Variants in RBFOX3 observed in about 807,000 individuals in gnomAD.
RBFOX3 encodes RNA binding protein fox-1 homolog 3.
RBFOX3 carries 17 observed loss-of-function variants against 48.7 expected under a neutral mutation model. The observed-to-expected ratio is 0.35, with a 90% CI of 0.24 to 0.52. RBFOX3 has a LOEUF of 0.52. RBFOX3 is among the 20% of genes least tolerant of loss of function. RBFOX3 has a pLI of 0.94. For synonymous variants in RBFOX3, 212 were observed against 209.5 expected (o/e 1.01, Z -0.10); for missense variants, 382 against 497.5 (o/e 0.77, Z 2.21).
intron 1 of RBFOX3, among the ~76,000 whole-genome samples, chr17:79,565,340 T>TC (rs2092417604): frequency 6.7e-6 from 1 of 150,028 alleles, no homozygotes; most frequent in Non-Finnish European, 1.5e-5. Flanking sequence ...ATTTAGGACA[T>TC]CTTTTTTTTT....
chr17:79,587,781 T>C (rs1236550082), intron 1 of RBFOX3, among the ~76,000 whole-genome samples: 6 of 152,106 alleles, frequency 3.9e-5, no homozygotes, highest in Admixed American at 3.9e-4. Flanking sequence ...TGTGGGAGAA[T>C]AGATGAAGGA....
In RBFOX3 at chr17:79,243,259, G is replaced by T. The variant is rs2062660226; in HGVS notation, c.-73-7454C>A. 6.6e-6 allele frequency among the ~76,000 whole-genome samples: 1 copy of T among 152,140 alleles called. No individual in the cohort carries two copies. Among genetic ancestry groups the T allele is most frequent in the South Asian group, 2.1e-4 (1 of 4,820 alleles). On this transcript the variant is annotated intron_variant, in intron 3 of 14. Coordinates refer to ENST00000693108, the MANE Select transcript of RBFOX3 (RefSeq NM_001350451.2). The surrounding 1 kb of genome is among the most constrained non-coding windows in gnomAD (Gnocchi z 7.9). The stretch of plus-strand genomic sequence containing the variant: ...GAGCTGATTATTCTGCTCAGGCCAA[G>T]CACTCCCGGATAAACCCTGGAGTGT...
intron 4 of RBFOX3, among the ~76,000 whole-genome samples, chr17:79,136,950 G>A (rs1013531109): frequency 1.3e-5 from 2 of 152,126 alleles, no homozygotes; most frequent in Admixed American, 1.3e-4. Flanking sequence ...TCCCAGGGGC[G>A]TGGGGACAGC....
chr17:79,126,744 C>T (rs1212813366), intron 4 of RBFOX3, among the ~76,000 whole-genome samples: 3 of 152,208 alleles, frequency 2.0e-5, no homozygotes, highest in Non-Finnish European at 4.4e-5. Flanking sequence ...CCCAGCCCGC[C>T]AGACAAAGTC....
the RBFOX3 span, among the ~76,000 whole-genome samples, chr17:79,624,716 G>A: frequency 1.3e-5 from 2 of 152,126 alleles, no homozygotes; most frequent in African/African-American, 2.4e-5. Flanking sequence ...GGGCCCTGCC[G>A]ACCCTCCACT....
intron 3 of RBFOX3, among the ~76,000 whole-genome samples, chr17:79,302,965 T>C (rs1383079055): frequency 6.6e-6 from 1 of 152,138 alleles, no homozygotes; most frequent in Non-Finnish European, 1.5e-5. Flanking sequence ...GCACTTTGGG[T>C]ATGTAAGGCC....
chr17:79,320,031 G>T (rs1308699230), intron 2 of RBFOX3, among the ~76,000 whole-genome samples: 1 of 151,874 alleles, frequency 6.6e-6, no homozygotes, highest in Admixed American at 6.6e-5. Context: ...TGGGCTGCTG[G>T]TCTATGTCTG....
chr17:79,329,074 C>G (rs1383368834), intron 2 of RBFOX3, among the ~76,000 whole-genome samples: 1 of 152,126 alleles, frequency 6.6e-6, no homozygotes, highest in Non-Finnish European at 1.5e-5. Context: ...AGGCTGGATA[C>G]AGAAAGATAG....
chr17:79,163,862 C>T (rs1247673111), intron 4 of RBFOX3, among the ~76,000 whole-genome samples: 1 of 152,198 alleles, frequency 6.6e-6, no homozygotes, highest in East Asian at 1.9e-4. Context: ...TCCAGACAGG[C>T]CTGCTGGAGC....
chr17:79,532,308 C>G (rs2087921884), intron 1 of RBFOX3, among the ~76,000 whole-genome samples: 1 of 152,194 alleles, frequency 6.6e-6, no homozygotes, highest in Non-Finnish European at 1.5e-5. Context: ...CAGCTCCAGG[C>G]TGGGACTCCA....
chr17:79,620,632 C>T, the RBFOX3 span, among the ~76,000 whole-genome samples: 6 of 10,908 alleles, frequency 5.5e-4, no homozygotes, highest in East Asian at 0.022. Flanking sequence ...CATGCACACA[C>T]GCACACGCAC....
chr17:79,502,389 C>G (rs1297204849), intron 1 of RBFOX3, among the ~76,000 whole-genome samples: 1 of 102,838 alleles, frequency 9.7e-6, no homozygotes, highest in Non-Finnish European at 2.7e-5. Context: ...TTAATGGAGA[C>G]AGTTTCCATG....
At chr17:79,371,004 G>GA (rs1419077547) in intron 2 of RBFOX3, among the ~76,000 whole-genome samples, 2 of 151,994 alleles carry the variant, frequency 1.3e-5, no homozygotes, top group African/African-American at 2.4e-5. Flanking sequence ...CCCCGGTAGG[G>GA]GGTTAGGGAG....
intron 1 of RBFOX3, among the ~76,000 whole-genome samples, chr17:79,581,266 C>CA (rs1203409662): frequency 2.0e-5 from 3 of 151,592 alleles, no homozygotes; most frequent in Admixed American, 6.6e-5. Context: ...ACAAAACAAA[C>CA]AAAAAAACAA....
At position 79,408,278 on chromosome 17, in the gene RBFOX3, C is replaced by A. The variant is rs552224695; in HGVS notation, c.-175+74176G>T. On this transcript the variant is annotated intron_variant, in intron 2 of 14. Coordinates refer to ENST00000693108, the MANE Select transcript of RBFOX3 (RefSeq NM_001350451.2). ...CTCATCACAGTGAGAAGTGCCCCAC[C>A]GAGGACAGCTTCTTCACCCAAGCGA... is the stretch of plus-strand genomic sequence containing the variant. 2.0e-5 allele frequency among the ~76,000 whole-genome samples: 3 copies of A among 152,178 alleles called. No homozygotes were observed. In the East Asian group the frequency reaches 5.8e-4, roughly 29 times the overall value.
At chr17:79,142,514 G>C (rs957540316) in intron 4 of RBFOX3, among the ~76,000 whole-genome samples, 1 of 152,156 alleles carries the variant, frequency 6.6e-6, no homozygotes, top group Non-Finnish European at 1.5e-5. Context: ...GGACTCACCA[G>C]GCCAGCAGAT....
At chr17:79,333,309 G>A (rs75231961) in intron 2 of RBFOX3, among the ~76,000 whole-genome samples, 2,246 of 152,270 alleles carry the variant, frequency 0.015, 51 homozygotes, top group African/African-American at 0.052. Flanking sequence ...AAAAGTTGCC[G>A]AGCTGGCTTC....
At chr17:79,124,635 T>C (rs7223647) in intron 4 of RBFOX3, among the ~76,000 whole-genome samples, 47,342 of 140,818 alleles carry the variant, frequency 0.34, 7,658 homozygotes, top group Non-Finnish European at 0.37. Context: ...AGCTCGGGTG[T>C]GGGGGCAGAG....
rs533040488 is a variant in RBFOX3, at chr17:79,242,860, G to T, written c.-73-7055C>A. ...CAGGAAGCCCGGGCAGGGCTCCACA[G>T]CAACCTGCCTGGAGTCCCACCTTCA... On this transcript the variant is annotated intron_variant, in intron 3 of 14. Coordinates refer to ENST00000693108, the MANE Select transcript of RBFOX3 (RefSeq NM_001350451.2). The surrounding 1 kb of genome is among the most constrained non-coding windows in gnomAD (Gnocchi z 5.8). Among the ~76,000 whole-genome samples, 16 of 152,190 alleles carry T rather than the reference G, an allele frequency of 1.1e-4. No individual in the cohort carries two copies. Among genetic ancestry groups the T allele is most frequent in the Non-Finnish European group, 1.5e-4 (10 of 68,032 alleles).
Sources: gnomAD v4.1 joint callset for allele counts (sites outside exome capture counted in the v4.1 genomes callset) on GRCh38, gnomAD v4.1.1 for gene constraint, Gnocchi (gnomAD v3.1) non-coding constraint, MANE v1.5 for transcripts, NCBI Gene and HGNC (gene_info 2026-07-23, HGNC 2026-07-21) for gene names.